The following TMEM181 variants were observed in gnomAD, a reference collection of about 807,000 sequenced individuals.
TMEM181 encodes transmembrane protein 181.
Under a neutral mutation model 71.9 loss-of-function variants are expected in TMEM181, and 39 were observed. The ratio of observed to expected loss-of-function variants is 0.54; its 90% CI spans 0.42 to 0.71. The LOEUF is 0.71. Ranked by LOEUF, TMEM181 falls within the 30% of genes least tolerant of loss-of-function variation. TMEM181 has a pLI of 0.00. For missense variants in TMEM181, 595 were observed against 583.0 expected, an observed-to-expected ratio of 1.02 and a Z score of -0.21; for synonymous variants, 245 against 228.8, an observed-to-expected ratio of 1.07 and a Z score of -0.64.
intron 13 of TMEM181, among the ~76,000 whole-genome samples, chr6:158,627,963 C>G (rs190268822): frequency 6.6e-6 from 1 of 152,296 alleles, no homozygotes; most frequent in East Asian, 1.9e-4. Flanking sequence ...GTCACTGGAA[C>G]TGACCGGGGA....
At chr6:158,556,855 T>A (rs1781908369), upstream of TMEM181, among the ~76,000 whole-genome samples, 1 of 152,086 alleles carries the variant, frequency 6.6e-6, no homozygotes, top group Admixed American at 6.5e-5. Flanking sequence ...CTCTGCCTCC[T>A]GGGTTCAAGT....
intron 3 of TMEM181, among the ~76,000 whole-genome samples, chr6:158,583,208 G>A (rs537464809): frequency 1.2e-3 from 183 of 152,190 alleles, no homozygotes; most frequent in African/African-American, 4.3e-3. Flanking sequence ...TCTCCAGCCT[G>A]GGTGACAGAG....
At chr6:158,575,516 C>G (rs143144234) in intron 2 of TMEM181, among the ~76,000 whole-genome samples, 495 of 152,254 alleles carry the variant, frequency 3.3e-3, no homozygotes, top group African/African-American at 0.011. Context: ...CAGGGTTTCA[C>G]CATGTTGGCC....
intron 6 of TMEM181, among the ~76,000 whole-genome samples, chr6:158,603,499 G>A (rs895911941): frequency 1.3e-5 from 2 of 152,104 alleles, no homozygotes; most frequent in Non-Finnish European, 2.9e-5. Flanking sequence ...AGGCCACGTG[G>A]CCAGTATTGG....
In TMEM181 at chr6:158,631,772, C is replaced by G. The variant is rs562819092; in HGVS notation, c.1350-38C>G. 1.9e-6 allele frequency: 3 copies of G among 1,561,272 alleles called. No individual in the cohort carries two copies. In the Admixed American group the frequency reaches 5.6e-5, roughly 29 times the overall value. On this transcript the variant is annotated intron_variant, in intron 16 of 16. Transcript: ENST00000684151. Reference sequence around the variant, plus strand: ...GTGGAAGAGGAAAATAAAGAGCTGTCAGAAGTTAGACGGTCTCAAAGGTCT... The same window carrying G: ...GTGGAAGAGGAAAATAAAGAGCTGTGAGAAGTTAGACGGTCTCAAAGGTCT...
intron 10 of TMEM181, chr6:158,611,772 G>A (rs1256581368): frequency 1.4e-5 from 3 of 220,540 alleles, no homozygotes; most frequent in Admixed American, 1.1e-4. Context: ...TCAAAGACAG[G>A]TTTGTTTTGG....
intron 1 of TMEM181, among the ~76,000 whole-genome samples, chr6:158,546,165 C>T (rs945016664): frequency 2.0e-5 from 3 of 152,168 alleles, no homozygotes; most frequent in South Asian, 4.1e-4. Context: ...GCTCCTGCCT[C>T]GTGGTGACAA....
chr6:158,634,372 G>C lies in TMEM181; in HGVS notation c.*2484G>C, dbSNP rs190350171. On this transcript the variant is annotated 3_prime_UTR_variant, in exon 17 of 17. Transcript: ENST00000684151. Reference sequence around the variant, plus strand: ...AACTTTTGACAGTAGCAAGAAAATTGTTGAAGAAAAAATAAATTATTTACT... The same window carrying C: ...AACTTTTGACAGTAGCAAGAAAATTCTTGAAGAAAAAATAAATTATTTACT... 1.3e-5 allele frequency: 2 copies of C among 152,146 alleles called. No homozygotes were observed. Among genetic ancestry groups the C allele is most frequent in the Non-Finnish European group, 2.9e-5 (2 of 68,004 alleles). The allele number at this position is 152,146 out of a possible 1,614,324, so 9.4% of individuals were successfully genotyped here. A position where few individuals can be genotyped will look rare whatever the true frequency, so the allele number is the denominator to read the frequency against.
intron 1 of TMEM181, among the ~76,000 whole-genome samples, chr6:158,544,400 G>A (rs1276582452): frequency 6.6e-6 from 1 of 152,110 alleles, no homozygotes; most frequent in African/African-American, 2.4e-5. Flanking sequence ...CAGGACACAA[G>A]GAGCCACTCC....
chr6:158,584,044 G>A lies in TMEM181; in HGVS notation c.259G>A (p.Glu87Lys). ...TCVVELDQSK[E>K]TSIKTSFPMT... ...TGTTGTTGAGTTGGATCAATCAAAA[G>A]GTATGGAGCTTGACATTTTGGAATG... Residue 87 changes from glutamate (E) to lysine (K), a missense_variant and splice_region_variant, in exon 4 of 17, where the codon GAA becomes AAA. Transcript: ENST00000684151. The A allele has an allele frequency of 6.2e-7, 1 of 1,601,028 alleles. No homozygotes were observed. Among genetic ancestry groups the A allele is most frequent in the Non-Finnish European group, 8.5e-7 (1 of 1,172,954 alleles).
At chr6:158,572,561 C>CT in intron 1 of TMEM181, 1 of 445,192 alleles carries the variant, frequency 2.2e-6, no homozygotes, top group South Asian at 1.6e-5. Flanking sequence ...CTCGTGCGTC[C>CT]TGTGCTGCTC....
At chr6:158,590,426 G>T (rs907882040) in intron 6 of TMEM181, among the ~76,000 whole-genome samples, 2 of 151,250 alleles carry the variant, frequency 1.3e-5, no homozygotes, top group South Asian at 2.1e-4. Context: ...CCCTTTTAAT[G>T]AAAGCGTACG....
At chr6:158,569,986 T>C (rs1481966250) in intron 1 of TMEM181, among the ~76,000 whole-genome samples, 2 of 152,244 alleles carry the variant, frequency 1.3e-5, no homozygotes, top group East Asian at 3.8e-4. Context: ...GTCAATAATG[T>C]GTTTTTGAAA....
At chr6:158,564,746 C>T (rs1419634643) in intron 1 of TMEM181, among the ~76,000 whole-genome samples, 1 of 152,172 alleles carries the variant, frequency 6.6e-6, no homozygotes, top group South Asian at 2.1e-4. Flanking sequence ...TACTTGCCTG[C>T]TGTCATGTGG....
intron 1 of TMEM181, among the ~76,000 whole-genome samples, chr6:158,564,742 C>T (rs904811844): frequency 2.6e-5 from 4 of 152,182 alleles, no homozygotes; most frequent in Non-Finnish European, 4.4e-5. Context: ...TGTTTACTTG[C>T]CTGCTGTCAT....
intron 1 of TMEM181, among the ~76,000 whole-genome samples, chr6:158,570,378 G>C (rs1401604765): frequency 6.6e-6 from 1 of 151,322 alleles, no homozygotes; most frequent in African/African-American, 2.4e-5. Context: ...GACTACAGGT[G>C]CCCGCCACAA....
chr6:158,620,381 C>T lies in TMEM181; in HGVS notation c.897-3169C>T, dbSNP rs1411926128. 6.6e-6 allele frequency among the ~76,000 whole-genome samples: 1 copy of T among 152,074 alleles called. No individual in the cohort carries two copies. The highest frequency in any genetic ancestry group is 1.5e-5 in the Non-Finnish European group (1 of 68,020). On this transcript the variant is annotated intron_variant, in intron 10 of 16. Transcript: ENST00000684151. This position sits in a 1 kb window ranked among gnomAD's most constrained non-coding sequence, Gnocchi z 4.5. ...ACGGCAGACCGAACTTTCTCAGGTACCACGAGAAAGCCAGGAGAAGGCAGA... is the reference window on the plus strand; with the variant it reads ...ACGGCAGACCGAACTTTCTCAGGTATCACGAGAAAGCCAGGAGAAGGCAGA...
rs1786101312 is a variant in TMEM181 at position 158,623,613 on chromosome 6, G to C, written c.954+6G>C. 1.9e-6 allele frequency: 3 copies of C among 1,570,234 alleles called. No individual in the cohort carries two copies. The highest frequency in any genetic ancestry group is 2.6e-6 in the Non-Finnish European group (3 of 1,152,874). On this transcript the variant is annotated splice_donor_region_variant and intron_variant, in intron 11 of 16. Transcript: ENST00000684151. ...TTGATACCGGAAATTTTCAGGTAAG[G>C]ATTGTTAATGAGGCCTGCAATTTTT...
chr6:158,594,627 A>ACCT, intron 6 of TMEM181, among the ~76,000 whole-genome samples: 1 of 152,236 alleles, frequency 6.6e-6, no homozygotes, highest in Admixed American at 6.5e-5. Flanking sequence ...ACAATTATGA[A>ACCT]CATAGCTACT....
Sources: allele counts gnomAD v4.1 joint callset (sites outside exome capture counted in the v4.1 genomes callset), GRCh38; gene constraint gnomAD v4.1.1; non-coding constraint Gnocchi (gnomAD v3.1); transcripts MANE v1.5; gene names NCBI Gene and HGNC (gene_info 2026-07-23, HGNC 2026-07-21).